ANK2: variants seen among roughly 807,000 people sequenced by gnomAD.
ANK2 encodes ankyrin-2.
In ANK2, 83 loss-of-function variants were observed where a neutral mutation model predicts 360.5. That is an observed-to-expected ratio of 0.23 (90% CI 0.19 to 0.28). The LOEUF (loss-of-function observed/expected upper bound fraction) is 0.28, where lower values mean the gene tolerates loss of function less well. Ranked by LOEUF, ANK2 falls within the 10% of genes least tolerant of loss-of-function variation. The probability of loss-of-function intolerance (pLI) is 1.00; values close to 1 mark genes in which losing one functional copy is unlikely to be tolerated. For synonymous variants in ANK2, 1,740 were observed against 1,759.5 expected, an observed-to-expected ratio of 0.99 and a Z score of 0.28; for missense variants, 4,201 against 4,795.7, an observed-to-expected ratio of 0.88 and a Z score of 3.66.
the ANK2 span, among the ~76,000 whole-genome samples, chr4:112,768,897 A>G: frequency 2.0e-5 from 3 of 152,208 alleles, no homozygotes; most frequent in East Asian, 3.8e-4. Flanking sequence ...AAGTATATCA[A>G]AAGAGAACCA....
At chr4:112,983,189 G>A (rs2043665896) in intron 2 of ANK2, among the ~76,000 whole-genome samples, 1 of 152,040 alleles carries the variant, frequency 6.6e-6, no homozygotes, top group Non-Finnish European at 1.5e-5. Context: ...AATATAATGG[G>A]TAAATTTCTT....
chr4:113,194,406 T>C (rs944304516), intron 2 of ANK2, among the ~76,000 whole-genome samples: 1 of 152,166 alleles, frequency 6.6e-6, no homozygotes, highest in Non-Finnish European at 1.5e-5. Context: ...ACTAGCTTTA[T>C]ATGATCACAG....
chr4:112,724,556 T>TACACACACACACAC, the ANK2 span, among the ~76,000 whole-genome samples: 199 of 141,760 alleles, frequency 1.4e-3, 2 homozygotes, highest in African/African-American at 4.9e-3. Flanking sequence ...CACACACACA[T>TACACACACACACAC]ACACACACAC....
intron 1 of ANK2, among the ~76,000 whole-genome samples, chr4:113,057,606 T>C (rs1227891897): frequency 2.0e-5 from 3 of 152,174 alleles, no homozygotes; most frequent in African/African-American, 7.2e-5. Flanking sequence ...TCCTATTATA[T>C]ATATATATGT....
chr4:112,917,141 T>C (rs1230599153), intron 2 of ANK2, among the ~76,000 whole-genome samples: 4 of 152,226 alleles, frequency 2.6e-5, no homozygotes, highest in African/African-American at 7.2e-5. Flanking sequence ...CATTATAGGC[T>C]TAAGCTGTGG....
At chr4:112,901,337 G>C (rs1194519435) in intron 1 of ANK2, among the ~76,000 whole-genome samples, 1 of 152,142 alleles carries the variant, frequency 6.6e-6, no homozygotes, top group Non-Finnish European at 1.5e-5. Flanking sequence ...CAGAATGTGA[G>C]GGAAAGCAAC....
At chr4:113,056,689 A>G (rs2070087007) in intron 1 of ANK2, among the ~76,000 whole-genome samples, 1 of 152,206 alleles carries the variant, frequency 6.6e-6, no homozygotes. Flanking sequence ...GACCAAATAA[A>G]TATGATAGAG....
At chr4:113,056,793 A>T (rs959755621) in intron 1 of ANK2, among the ~76,000 whole-genome samples, 1 of 152,196 alleles carries the variant, frequency 6.6e-6, no homozygotes, top group Non-Finnish European at 1.5e-5. Context: ...TATGTTCTAG[A>T]TAATAATATA....
chr4:112,738,519 G>A, the ANK2 span, among the ~76,000 whole-genome samples: 1 of 152,000 alleles, frequency 6.6e-6, no homozygotes, highest in Non-Finnish European at 1.5e-5. Context: ...CAGGTGCTGT[G>A]AGAGTAGTAA....
Position 113,021,541 on chromosome 4 carries a change from C to CACACACACATATATATATATATAT in ANK2, c.21+117028_21+117029insCACACACATATATATATATATATA, listed in dbSNP as rs1489947974. Among the ~76,000 whole-genome samples the CACACACACATATATATATATATAT allele has an allele frequency of 1.7e-4, 16 of 95,638 alleles. 3 individuals are homozygous for CACACACACATATATATATATATAT. The highest frequency in any genetic ancestry group is 5.7e-4 in the African/African-American group (15 of 26,180). The allele number at this position is 95,638 out of a possible 152,430, so 62.7% of individuals were successfully genotyped here. A position where few individuals can be genotyped will look rare whatever the true frequency, so the allele number is the denominator to read the frequency against. ...ATACACACACACACCCACACACAAA[C>CACACACACATATATATATATATAT]ATATATATATATATATATATATATA... On this transcript the variant is annotated intron_variant, in intron 2 of 30. Transcript: ENST00000503271.
At chr4:113,091,429 T>C (rs1322242524) in intron 1 of ANK2, among the ~76,000 whole-genome samples, 3 of 152,220 alleles carry the variant, frequency 2.0e-5, no homozygotes, top group African/African-American at 7.2e-5. Flanking sequence ...TGATCTGTAT[T>C]TTTGTTAAAA....
intron 1 of ANK2, among the ~76,000 whole-genome samples, chr4:113,154,811 C>G (rs965467787): frequency 1.3e-5 from 2 of 152,130 alleles, no homozygotes; most frequent in Admixed American, 6.5e-5. Flanking sequence ...AAGCAGTGAT[C>G]TAGATGGACA....
intron 2 of ANK2, among the ~76,000 whole-genome samples, chr4:112,930,448 CAA>C (rs11427035): frequency 2.9e-4 from 35 of 122,194 alleles, no homozygotes; most frequent in Non-Finnish European, 3.0e-4. Flanking sequence ...GACCCTGTCT[CAA>C]AAAAAAAAAA....
chr4:113,377,395 T>C (rs1262415900), intron 45 of ANK2, among the ~76,000 whole-genome samples: 3 of 152,166 alleles, frequency 2.0e-5, no homozygotes, highest in East Asian at 3.8e-4. Flanking sequence ...ATATATGCAG[T>C]CCATTTTTAA....
intron 25 of ANK2, 118 bp downstream of exon 25, chr4:113,317,927 A>G (rs1164078320): frequency 2.4e-6 from 2 of 845,498 alleles, no homozygotes; most frequent in African/African-American, 3.4e-5. Context: ...AATTCAGTTG[A>G]GAAGCTAGGA....
At position 113,249,213 on chromosome 4, in the gene ANK2, A is replaced by T. The variant is rs200009744; in HGVS notation, c.892-551A>T. Among the ~76,000 whole-genome samples, 41 of 152,350 alleles carry T rather than the reference A, an allele frequency of 2.7e-4. No individual in the cohort carries two copies. In the East Asian group the frequency reaches 7.3e-3, roughly 27 times the overall value. ...TGTGTGAAAATCTTTAAAATAGTCT[A>T]AAAAATGATGCTTCACTTTTGCAAG... is the stretch of plus-strand genomic sequence containing the variant. On this transcript the variant is annotated intron_variant, in intron 9 of 45. Coordinates refer to ENST00000357077, the MANE Select transcript of ANK2 (RefSeq NM_001148.6).
chr4:112,882,040 C>T, intron 1 of ANK2: 1 of 463,138 alleles, frequency 2.2e-6, no homozygotes. Context: ...GAGCCTTCTC[C>T]ACTGCTCAGA....
At chr4:113,210,020 G>C (rs1040915478) in intron 4 of ANK2, among the ~76,000 whole-genome samples, 12 of 152,336 alleles carry the variant, frequency 7.9e-5, no homozygotes, top group African/African-American at 2.9e-4. Flanking sequence ...ACAGAACTCA[G>C]AGACATATGT....
chr4:113,317,510 C>T (rs1258391612), intron 24 of ANK2, 197 bp from the exon 25 acceptor site: 12 of 621,456 alleles, frequency 1.9e-5, no homozygotes, highest in Non-Finnish European at 2.9e-5. Flanking sequence ...TGCCATTGAG[C>T]GGTAGGAACC....
Sources: gnomAD v4.1 joint callset for allele counts (sites outside exome capture counted in the v4.1 genomes callset) on GRCh38, gnomAD v4.1.1 for gene constraint, MANE v1.5 for transcripts, NCBI Gene and HGNC (gene_info 2026-07-23, HGNC 2026-07-21) for gene names.